Variants in CPSF3 observed in about 807,000 individuals in gnomAD.
The protein encoded by CPSF3 is cleavage and polyadenylation specific factor 3, also known as cleavage and polyadenylation specificity factor subunit 3.
In CPSF3, 57 loss-of-function variants were observed where a neutral mutation model predicts 84.1. The observed-to-expected ratio is 0.68, with a 90% CI of 0.55 to 0.85. The LOEUF (loss-of-function observed/expected upper bound fraction) is 0.85. Ranked by LOEUF, CPSF3 falls within the 40% of genes least tolerant of loss-of-function variation. The pLI, the probability that CPSF3 is intolerant of heterozygous loss-of-function variation, is 0.00. For synonymous variants in CPSF3, 275 were observed against 278.1 expected, an observed-to-expected ratio of 0.99 and a Z score of 0.11; for missense variants, 522 against 838.8, an observed-to-expected ratio of 0.62 and a Z score of 4.66.
chr2:9,431,195 T>C (rs1680572278), intron 4 of CPSF3, among the ~76,000 whole-genome samples: 1 of 152,194 alleles, frequency 6.6e-6, no homozygotes, highest in South Asian at 2.1e-4. Context: ...CAGCTGAGAC[T>C]ACAGGTGTGT....
chr2:9,455,929 C>T (rs1681510416), intron 13 of CPSF3, among the ~76,000 whole-genome samples, 172 bp downstream of exon 13: 1 of 151,826 alleles, frequency 6.6e-6, no homozygotes, highest in Admixed American at 6.6e-5. Context: ...AGAATATACA[C>T]TCATATTCTT....
rs201960801 is a variant in CPSF3 at position 9,459,631 on chromosome 2, T to A, written c.1786+13T>A. On this transcript the variant is annotated intron_variant, in intron 15 of 17. Transcript: ENST00000238112. ...AAAATAAGAAAAGGTAAGAGTTCATTTTTATCCTTTTTTTTTTTTTTTTTT... is the reference window on the plus strand; with the variant it reads ...AAAATAAGAAAAGGTAAGAGTTCATATTTATCCTTTTTTTTTTTTTTTTTT... 1 of 1,272,818 alleles carries A rather than the reference T, an allele frequency of 7.9e-7. No individual in the cohort carries two copies. Among genetic ancestry groups the A allele is most frequent in the Non-Finnish European group, 1.1e-6 (1 of 923,822 alleles). 78.8% of individuals were successfully genotyped at this position (1,272,818 alleles called of 1,614,324 possible).
At chr2:9,437,636 G>T (rs761924678) in intron 7 of CPSF3, among the ~76,000 whole-genome samples, 6 of 152,166 alleles carry the variant, frequency 3.9e-5, no homozygotes, top group Non-Finnish European at 8.8e-5. Flanking sequence ...TGTACTTCAT[G>T]ATCCCTTCTA....
chr2:9,432,005 A>G (rs1484754645), intron 4 of CPSF3, among the ~76,000 whole-genome samples: 2 of 152,198 alleles, frequency 1.3e-5, no homozygotes, highest in African/African-American at 4.8e-5. Flanking sequence ...AACCCAAACA[A>G]TCTGGCTCCA....
chr2:9,459,466 G>T (rs1004584926), intron 14 of CPSF3, 65 bp from the exon 15 acceptor site: 29 of 966,402 alleles, frequency 3.0e-5, no homozygotes, highest in Non-Finnish European at 4.4e-5. Context: ...GTGGGTTGTA[G>T]TTGTAGCCTT....
At chr2:9,469,303 C>G (rs1682082483) in intron 16 of CPSF3, among the ~76,000 whole-genome samples, 1 of 152,150 alleles carries the variant, frequency 6.6e-6, no homozygotes, top group East Asian at 1.9e-4. Context: ...CCTTTGATTT[C>G]AAGGAGGTTA....
At chr2:9,449,759 A>G (rs954182622) in intron 11 of CPSF3, among the ~76,000 whole-genome samples, 5 of 152,140 alleles carry the variant, frequency 3.3e-5, no homozygotes, top group Admixed American at 1.3e-4. Flanking sequence ...TAAAAAAAGA[A>G]TTAATCATTT....
At chr2:9,433,583 TAAG>T (rs951568366) in intron 5 of CPSF3, among the ~76,000 whole-genome samples, 85 of 152,318 alleles carry the variant, frequency 5.6e-4, no homozygotes, top group African/African-American at 2.0e-3. Context: ...CCTTTTTCTC[TAAG>T]AAGTTCAGAG....
chr2:9,430,064 A>G, intron 3 of CPSF3, 44 bp downstream of exon 3: 4 of 1,127,794 alleles, frequency 3.5e-6, no homozygotes, highest in Non-Finnish European at 3.8e-6. Context: ...ACGGACTTTT[A>G]CTATCAAGAT....
intron 7 of CPSF3, among the ~76,000 whole-genome samples, chr2:9,438,441 G>A (rs777300835): frequency 5.3e-5 from 8 of 151,416 alleles, no homozygotes; most frequent in Non-Finnish European, 8.8e-5. Context: ...TAAATTTTAG[G>A]TTCAGATAAA....
At chr2:9,429,311 G>A (rs1474255796) in intron 2 of CPSF3, among the ~76,000 whole-genome samples, 1 of 152,210 alleles carries the variant, frequency 6.6e-6, no homozygotes, top group Admixed American at 6.5e-5. Context: ...TAGTTTCTAA[G>A]GTACTCATTA....
At chr2:9,447,395 C>T (rs755007754) in intron 10 of CPSF3, among the ~76,000 whole-genome samples, 34 of 152,126 alleles carry the variant, frequency 2.2e-4, no homozygotes, top group Admixed American at 7.2e-4. Context: ...AGGAGGATTG[C>T]TTGATCCCTG....
chr2:9,447,788 A>G (rs1323601338), intron 10 of CPSF3, among the ~76,000 whole-genome samples: 2 of 152,178 alleles, frequency 1.3e-5, no homozygotes, highest in East Asian at 3.8e-4. Flanking sequence ...ACAAAAAGAG[A>G]AAAAAGAGAA....
chr2:9,472,973 C>T lies in CPSF3; in HGVS notation c.2011C>T (p.Leu671=). 6.2e-7 allele frequency: 1 copy of T among 1,613,970 alleles called. No homozygotes were observed. The highest frequency in any genetic ancestry group is 8.5e-7 in the Non-Finnish European group (1 of 1,179,960). ...DDESLREMVE[L]AAQRLYEALT... is the part of the protein sequence containing the mutation. Reference sequence around the variant, plus strand: ...TGAATCCCTCCGAGAAATGGTGGAGCTGGCTGCACAGAGACTGTACGAGGC... The same window carrying T: ...TGAATCCCTCCGAGAAATGGTGGAGTTGGCTGCACAGAGACTGTACGAGGC... The change falls in exon 18 of 18, where the codon CTG becomes TTG. Residue 671 remains leucine (L), a synonymous_variant. Transcript: ENST00000238112.
At chr2:9,456,177 T>C (rs1192367672) in intron 13 of CPSF3, among the ~76,000 whole-genome samples, 1 of 151,740 alleles carries the variant, frequency 6.6e-6, no homozygotes, top group Non-Finnish European at 1.5e-5. Flanking sequence ...CAGCAGGTTT[T>C]ATAAGAGTTC....
At chr2:9,470,480 T>C (rs1306800144) in intron 16 of CPSF3, among the ~76,000 whole-genome samples, 1 of 152,192 alleles carries the variant, frequency 6.6e-6, no homozygotes, top group East Asian at 1.9e-4. Flanking sequence ...AACACCTCTG[T>C]ACCAATGGGG....
rs869193869 is a variant in CPSF3 at position 9,444,158 on chromosome 2, A to AT, written c.1242+511dup. Reference sequence around the variant, plus strand: ...ATATATATTATATATATATATATATATTTTTTTTTTTTTTGAGGCGGAGTC... The same window carrying AT: ...ATATATATTATATATATATATATATATTTTTTTTTTTTTTTGAGGCGGAGTC... On this transcript the variant is annotated intron_variant, in intron 10 of 17. Transcript: ENST00000238112. 5.3e-3 allele frequency among the ~76,000 whole-genome samples: 652 copies of AT among 123,140 alleles called. 6 individuals carry two copies. Among genetic ancestry groups the AT allele is most frequent in the Middle Eastern group, 8.6e-3 (2 of 232 alleles). 80.8% of individuals were successfully genotyped at this position (123,140 alleles called of 152,430 possible).
At chr2:9,424,067 GAA>G in intron 1 of CPSF3, 3 of 1,166,402 alleles carry the variant, frequency 2.6e-6, no homozygotes, top group Non-Finnish European at 2.1e-6. Context: ...GTTGGAGTCG[GAA>G]AAAAAAAAGT....
intron 16 of CPSF3, 146 bp downstream of exon 16, chr2:9,467,922 G>A (rs1289700997): frequency 1.6e-6 from 1 of 633,448 alleles, no homozygotes; most frequent in Non-Finnish European, 2.7e-6. Context: ...TGTTAGGAAA[G>A]AGAGGGGCTG....
Sources: allele counts gnomAD v4.1 joint callset (sites outside exome capture counted in the v4.1 genomes callset), GRCh38; gene constraint gnomAD v4.1.1; transcripts MANE v1.5; gene names NCBI Gene and HGNC (gene_info 2026-07-23, HGNC 2026-07-21).